The following P4HA3 variants were observed in gnomAD, a reference collection of about 807,000 sequenced individuals.
The protein encoded by P4HA3 is prolyl 4-hydroxylase subunit alpha-3.
A neutral mutation model predicts 66.7 loss-of-function variants in P4HA3; 60 were observed. That is an observed-to-expected ratio of 0.90 (90% confidence interval 0.73 to 1.12). The LOEUF (loss-of-function observed/expected upper bound fraction) is 1.12, where lower values mean the gene tolerates loss of function less well. Among genes scored for constraint, P4HA3 ranks in the 50% most tolerant of loss-of-function variants. P4HA3 has a pLI of 0.00. For synonymous variants in P4HA3, 263 were observed against 274.6 expected, an observed-to-expected ratio of 0.96 and a Z score of 0.42; for missense variants, 683 against 685.8, an observed-to-expected ratio of 1.00 and a Z score of 0.05.
At chr11:74,311,324 G>C in intron 1 of P4HA3, 88 bp downstream of exon 1, 1 of 1,332,480 alleles carries the variant, frequency 7.5e-7, no homozygotes, top group Non-Finnish European at 9.8e-7. Context: ...AATGAGCCTG[G>C]GGTCACACTC....
At chr11:74,267,421 A>G in intron 12 of P4HA3, 103 bp from the exon 13 acceptor site, 1 of 1,394,958 alleles carries the variant, frequency 7.2e-7, no homozygotes, top group Non-Finnish European at 9.7e-7. Flanking sequence ...GTGCCCCCTT[A>G]AATTCTGCAT....
chr11:74,250,890 A>G (rs1859640768), intron 15 of P4HA3: 3 of 1,403,562 alleles, frequency 2.1e-6, no homozygotes, highest in Admixed American at 3.9e-5. Flanking sequence ...GGAATGACCT[A>G]TGAGGCTGCA....
intron 7 of P4HA3, among the ~76,000 whole-genome samples, chr11:74,280,323 T>A (rs183411685): frequency 5.2e-4 from 77 of 149,512 alleles, no homozygotes; most frequent in African/African-American, 1.7e-3. Context: ...CTGGCTAATT[T>A]AAAAAAAAAA....
Position 74,268,193 on chromosome 11 carries a change from T to C in P4HA3, c.1516A>G (p.Ser506Gly), listed in dbSNP as rs141660197. The C allele has an allele frequency of 9.0e-5, 145 of 1,614,000 alleles. No homozygotes were observed. Among genetic ancestry groups the C allele is most frequent in the Non-Finnish European group, 1.2e-4 (141 of 1,179,998 alleles). The stretch of plus-strand genomic sequence containing the variant: ...GGACAGCCAGCATGAAGTGTGTCAC[T>C]GTCCCCTTCACCACTCCTGTGCAGG... ...WNLHRSGEGD[S>G]DTLHAGCPVL... The change falls in exon 12 of 13, where the codon AGT (serine) becomes GGT (glycine). Residue 506 changes from serine (S) to glycine (G), a missense_variant. Coordinates refer to ENST00000331597, the MANE Select transcript of P4HA3 (RefSeq NM_182904.5).
At chr11:74,264,213 C>A (rs114399026), downstream of P4HA3, among the ~76,000 whole-genome samples, 1,053 of 152,110 alleles carry the variant, frequency 6.9e-3, 13 homozygotes, top group African/African-American at 0.023. Context: ...GCTCATGAAG[C>A]CCCAGGAAGC....
At chr11:74,286,169 C>T in intron 6 of P4HA3, 59 bp downstream of exon 6, 2 of 1,569,954 alleles carry the variant, frequency 1.3e-6, no homozygotes, top group Non-Finnish European at 8.7e-7. Flanking sequence ...TATCCCAATT[C>T]TAGCTTCTCA....
chr11:74,259,546 C>A (rs976175065), intron 15 of P4HA3, among the ~76,000 whole-genome samples: 10 of 152,136 alleles, frequency 6.6e-5, no homozygotes, highest in Non-Finnish European at 2.9e-5. Flanking sequence ...ACTATCTATA[C>A]CCCAACTTTT....
Position 74,298,198 on chromosome 11 carries a change from A to C in P4HA3, c.717+14T>G. On this transcript the variant is annotated intron_variant, in intron 4 of 12. Transcript: ENST00000331597. ...TAGTATAATAAAAGCAGTGAGCTTCACTTACTCCCTTACCCGGAAATAAGC... is the reference window on the plus strand; with the variant it reads ...TAGTATAATAAAAGCAGTGAGCTTCCCTTACTCCCTTACCCGGAAATAAGC... 6.2e-7 allele frequency: 1 copy of C among 1,611,556 alleles called. No individual in the cohort carries two copies. Among genetic ancestry groups the C allele is most frequent in the Non-Finnish European group, 8.5e-7 (1 of 1,178,622 alleles).
chr11:74,305,401 G>A (rs901740765), intron 1 of P4HA3, among the ~76,000 whole-genome samples: 6 of 152,044 alleles, frequency 3.9e-5, no homozygotes, highest in South Asian at 2.1e-4. Flanking sequence ...CCGACCCTTA[G>A]TGTAGATTTA....
intron 10 of P4HA3, among the ~76,000 whole-genome samples, chr11:74,270,991 A>G (rs1860175826): frequency 2.6e-5 from 4 of 152,230 alleles, no homozygotes; most frequent in Admixed American, 2.6e-4. Flanking sequence ...ACATTTTGCT[A>G]AATTATTTTT....
intron 4 of P4HA3, among the ~76,000 whole-genome samples, chr11:74,295,070 G>A (rs370667117): frequency 5.9e-5 from 9 of 152,224 alleles, no homozygotes; most frequent in South Asian, 2.1e-4. Context: ...TCCTCCCCCC[G>A]TGCCCTCAAA....
downstream of P4HA3, among the ~76,000 whole-genome samples, chr11:74,262,847 G>C (rs983434941): frequency 6.6e-6 from 1 of 152,216 alleles, no homozygotes; most frequent in African/African-American, 2.4e-5. Flanking sequence ...TCCATGAAAG[G>C]GCAGTTTGTG....
At chr11:74,276,665 T>A (rs1342888880) in intron 9 of P4HA3, among the ~76,000 whole-genome samples, 3 of 151,800 alleles carry the variant, frequency 2.0e-5, no homozygotes, top group African/African-American at 7.3e-5. Context: ...GATGGCCAGT[T>A]GAGATCATGA....
At chr11:74,296,729 A>G (rs182265175) in intron 4 of P4HA3, among the ~76,000 whole-genome samples, 138 of 152,310 alleles carry the variant, frequency 9.1e-4, no homozygotes, top group African/African-American at 3.2e-3. Context: ...TGGGTACAAC[A>G]TTTGAAACTC....
chr11:74,297,582 G>A (rs1428616363), intron 4 of P4HA3, among the ~76,000 whole-genome samples: 1 of 152,104 alleles, frequency 6.6e-6, no homozygotes, highest in African/African-American at 2.4e-5. Flanking sequence ...TTGTTTATTG[G>A]CAGCTGCTTT....
intron 6 of P4HA3, 25 bp downstream of exon 6, chr11:74,286,203 T>C: frequency 1.2e-6 from 2 of 1,607,346 alleles, no homozygotes; most frequent in East Asian, 4.5e-5. Context: ...CCTCTCCCCC[T>C]TTCTCTTTCC....
intron 10 of P4HA3, among the ~76,000 whole-genome samples, chr11:74,270,787 T>TC (rs1860168670): frequency 6.6e-6 from 1 of 152,144 alleles, no homozygotes; most frequent in South Asian, 2.1e-4. Context: ...GACTACAAAG[T>TC]CCCTGCTCAT....
intron 1 of P4HA3, among the ~76,000 whole-genome samples, chr11:74,304,652 T>C (rs1861522338): frequency 6.6e-6 from 1 of 152,172 alleles, no homozygotes; most frequent in Admixed American, 6.5e-5. Flanking sequence ...TCAATTACTG[T>C]ATTTCAGGCA....
At chr11:74,293,758 A>G (rs1233503353) in intron 4 of P4HA3, among the ~76,000 whole-genome samples, 1 of 152,160 alleles carries the variant, frequency 6.6e-6, no homozygotes, top group Non-Finnish European at 1.5e-5. Context: ...TTTCTTTAAG[A>G]ATGTTGAATA....
Sources: allele counts gnomAD v4.1 joint callset (sites outside exome capture counted in the v4.1 genomes callset), GRCh38; gene constraint gnomAD v4.1.1; transcripts MANE v1.5; gene names NCBI Gene and HGNC (gene_info 2026-07-23, HGNC 2026-07-21).